The following OR4K1 variants were observed in gnomAD, a reference collection of about 807,000 sequenced individuals.
OR4K1 encodes the protein olfactory receptor 4K1.
In OR4K1, 16 loss-of-function variants were observed where a neutral mutation model predicts 14.4. The ratio of observed to expected loss-of-function variants is 1.11; its 90% confidence interval spans 0.75 to 1.68. OR4K1 has a LOEUF of 1.68. Ranked by LOEUF, OR4K1 falls within the 40% of genes most tolerant of loss-of-function variation. The probability of loss-of-function intolerance (pLI) is 0.00; values close to 1 mark genes in which losing one functional copy is unlikely to be tolerated. For missense variants in OR4K1, 548 were observed against 376.9 expected, an observed-to-expected ratio of 1.45 and a Z score of -3.76; for synonymous variants, 181 against 133.1, an observed-to-expected ratio of 1.36 and a Z score of -2.48.
chr14:19,930,021 A>C (rs1367018129), upstream of OR4K1, among the ~76,000 whole-genome samples: 2 of 152,088 alleles, frequency 1.3e-5, no homozygotes, highest in Non-Finnish European at 2.9e-5. Context: ...TTTTCCCTCA[A>C]CATTATGTTT....
At chr14:19,922,697 T>C in the OR4K1 span, among the ~76,000 whole-genome samples, 1 of 151,818 alleles carries the variant, frequency 6.6e-6, no homozygotes, top group African/African-American at 2.4e-5. Flanking sequence ...TGAAATATCA[T>C]TGCATAAATA....
At chr14:19,927,709 A>G (rs1882091558), upstream of OR4K1, among the ~76,000 whole-genome samples, 1 of 152,212 alleles carries the variant, frequency 6.6e-6, no homozygotes, top group South Asian at 2.1e-4. Context: ...TTGGTGGCAA[A>G]TCAACTGTAT....
the OR4K1 span, chr14:19,921,140 T>C: frequency 6.2e-7 from 1 of 1,614,186 alleles, no homozygotes; most frequent in South Asian, 1.1e-5. Flanking sequence ...ACAGCTTTTT[T>C]TGTGATCTTC....
At chr14:19,921,398 C>G in the OR4K1 span, 17 of 1,614,002 alleles carry the variant, frequency 1.1e-5, 1 homozygote, top group Middle Eastern at 3.3e-4. Context: ...CCTTTACCAT[C>G]TCTCCTTTGG....
the OR4K1 span, chr14:19,921,163 A>T: frequency 2.5e-6 from 4 of 1,614,032 alleles, 1 homozygote; most frequent in African/African-American, 5.3e-5. Flanking sequence ...CGAGTCACCA[A>T]ACTTGCCTGC....
upstream of OR4K1, among the ~76,000 whole-genome samples, chr14:19,929,691 C>T (rs1369177309): frequency 6.6e-6 from 1 of 152,180 alleles, no homozygotes; most frequent in Non-Finnish European, 1.5e-5. Flanking sequence ...TTTAGAGAAG[C>T]AGCCTCATAA....
the OR4K1 span, chr14:19,921,267 A>T: frequency 6.2e-7 from 1 of 1,614,172 alleles, no homozygotes; most frequent in East Asian, 2.2e-5. Context: ...CTACATCATT[A>T]TTCTTGTTAC....
At chr14:19,929,425 A>T (rs778324511), upstream of OR4K1, among the ~76,000 whole-genome samples, 1 of 132,568 alleles carries the variant, frequency 7.5e-6, no homozygotes, top group African/African-American at 2.8e-5. Context: ...GGAGAGAGAG[A>T]GAGACAGAGA....
the OR4K1 span, among the ~76,000 whole-genome samples, chr14:19,925,385 G>A: frequency 6.6e-6 from 1 of 151,932 alleles, no homozygotes; most frequent in South Asian, 2.1e-4. Context: ...TACCTTTTTG[G>A]TTCACACAGG....
intron 1 of OR4K1, among the ~76,000 whole-genome samples, chr14:19,934,680 T>C (rs1882263139): frequency 2.0e-5 from 3 of 152,190 alleles, no homozygotes; most frequent in African/African-American, 7.2e-5. Flanking sequence ...TTAACATTTT[T>C]TTTTTTTGAG....
In OR4K1 at chr14:19,936,118, T is replaced by G. The variant is rs761633619; in HGVS notation, c.452T>G (p.Val151Gly). The change falls in exon 2 of 2, where the codon GTG (valine) becomes GGG (glycine). Residue 151 changes from valine (V) to glycine (G), a missense_variant. Val to Gly is a moderately radical substitution (Grantham distance 109). Transcript: ENST00000641172. ...CVIFVSISWA[V>G]GVLHSVSHLA... ...ATTTTTGTGTCTATTTCCTGGGCGGTGGGCGTTCTTCATTCTGTGAGCCAC... is the reference window on the plus strand; with the variant it reads ...ATTTTTGTGTCTATTTCCTGGGCGGGGGGCGTTCTTCATTCTGTGAGCCAC... 6.2e-7 allele frequency: 1 copy of G among 1,614,234 alleles called. No homozygotes were observed. The highest frequency in any genetic ancestry group is 1.3e-5 in the African/African-American group (1 of 75,054).
At chr14:19,931,602 T>A (rs1357370350) in intron 1 of OR4K1, among the ~76,000 whole-genome samples, 1 of 152,260 alleles carries the variant, frequency 6.6e-6, no homozygotes, top group Non-Finnish European at 1.5e-5. Context: ...GTATTATACA[T>A]TAAAATAAAA....
At position 19,936,129 on chromosome 14, in the gene OR4K1, C is replaced by T. The variant is rs1202186618; in HGVS notation, c.463C>T (p.His155Tyr). 1.2e-6 allele frequency: 2 copies of T among 1,614,202 alleles called. No homozygotes were observed. Among genetic ancestry groups the T allele is most frequent in the East Asian group, 4.5e-5 (2 of 44,892 alleles). The change falls in exon 2 of 2, where the codon CAT becomes TAT. Residue 155 changes from histidine (H) to tyrosine (Y), a missense_variant. His to Tyr is a moderately conservative substitution (Grantham distance 83, BLOSUM62 2). Coordinates refer to ENST00000641172, the MANE Select transcript of OR4K1 (RefSeq NM_001004063.3). ...TATTTCCTGGGCGGTGGGCGTTCTTCATTCTGTGAGCCACTTGGCTTTTAC... is the reference window on the plus strand; with the variant it reads ...TATTTCCTGGGCGGTGGGCGTTCTTTATTCTGTGAGCCACTTGGCTTTTAC... ...VSISWAVGVL[H>Y]SVSHLAFTVD...
chr14:19,931,360 G>C (rs1219935997), intron 1 of OR4K1: 2 of 152,342 alleles, frequency 1.3e-5, no homozygotes, highest in Non-Finnish European at 2.9e-5. Context: ...GGCAACCCTG[G>C]TAAGAAGAGG....
chr14:19,935,879 C>T lies in OR4K1; in HGVS notation c.213C>T (p.Ile71=), dbSNP rs370825841. The T allele has an allele frequency of 4.3e-6, 7 of 1,614,106 alleles. No homozygotes were observed. The highest frequency in any genetic ancestry group is 1.3e-5 in the African/African-American group (1 of 74,946). The change falls in exon 2 of 2, where the codon ATC becomes ATT. Residue 71 remains isoleucine, a synonymous_variant. Coordinates refer to ENST00000641172, the MANE Select transcript of OR4K1 (RefSeq NM_001004063.3). ...TCAGTAATCTTTCTTTCATTGATATCTGTCAGTCTAACTTTGCCACCCCCA... is the reference window on the plus strand; with the variant it reads ...TCAGTAATCTTTCTTTCATTGATATTTGTCAGTCTAACTTTGCCACCCCCA... ...FLLSNLSFID[I]CQSNFATPKM...
chr14:19,927,449 G>T (rs1437407392), upstream of OR4K1, among the ~76,000 whole-genome samples: 1 of 152,244 alleles, frequency 6.6e-6, no homozygotes, highest in Non-Finnish European at 1.5e-5. Flanking sequence ...GGGTCTTGAA[G>T]ATCAAAATTG....
the OR4K1 span, among the ~76,000 whole-genome samples, chr14:19,923,943 C>T: frequency 6.6e-6 from 1 of 152,154 alleles, no homozygotes; most frequent in African/African-American, 2.4e-5. Context: ...TAGACTCTGA[C>T]AGATACAGAT....
intron 1 of OR4K1, among the ~76,000 whole-genome samples, chr14:19,933,759 G>T (rs1414708508): frequency 1.3e-5 from 2 of 152,090 alleles, no homozygotes; most frequent in Non-Finnish European, 2.9e-5. Context: ...CACTAATTTT[G>T]TATTTTTAGT....
At chr14:19,931,193 A>G (rs897369459) in intron 1 of OR4K1, 48 bp downstream of exon 1, 4 of 152,262 alleles carry the variant, frequency 2.6e-5, no homozygotes, top group Admixed American at 2.6e-4. Context: ...CTGGAGAAAT[A>G]ATTAATGAGA....
Sources: allele counts gnomAD v4.1 joint callset (sites outside exome capture counted in the v4.1 genomes callset), GRCh38; gene constraint gnomAD v4.1.1; transcripts MANE v1.5; gene names NCBI Gene and HGNC (gene_info 2026-07-23, HGNC 2026-07-21).